Variants in LRRC3B observed in about 807,000 individuals in gnomAD.
LRRC3B encodes the protein leucine rich repeat containing 3B, also known as leucine-rich repeat-containing protein 3B.
Under a neutral mutation model 12.8 loss-of-function variants are expected in LRRC3B, and 2 were observed. The ratio of observed to expected loss-of-function variants is 0.16; its 90% CI spans 0.06 to 0.49. The LOEUF is 0.49. LRRC3B is among the 20% of genes least tolerant of loss of function. The pLI, the probability that LRRC3B is intolerant of heterozygous loss-of-function variation, is 0.96. For synonymous variants in LRRC3B, 132 were observed against 122.0 expected (o/e 1.08, Z -0.54); for missense variants, 189 against 319.4 (o/e 0.59, Z 3.11).
chr3:26,697,942 A>G (rs947147994), intron 1 of LRRC3B, among the ~76,000 whole-genome samples: 6 of 152,134 alleles, frequency 3.9e-5, no homozygotes, highest in African/African-American at 9.7e-5. Context: ...TTACCATTCT[A>G]TGATTCTGAT....
chr3:26,687,954 A>C (rs889769451), intron 1 of LRRC3B, among the ~76,000 whole-genome samples: 20 of 152,210 alleles, frequency 1.3e-4, no homozygotes, highest in African/African-American at 4.8e-4. Flanking sequence ...ATGCTTCACA[A>C]GTAGCCTCTG....
Position 26,709,919 on chromosome 3 carries a change from A to G in LRRC3B, c.247A>G (p.Ile83Val), listed in dbSNP as rs1463103085. The G allele has an allele frequency of 9.9e-6, 16 of 1,613,940 alleles. No homozygotes were observed. Among genetic ancestry groups the G allele is most frequent in the African/African-American group, 4.0e-5 (3 of 74,892 alleles). ...TCAGATCACATCTATTCCCAATGAA[A>G]TTTTTAAGGACCTCCATCAACTGAG... is the stretch of plus-strand genomic sequence containing the variant. The change falls in exon 2 of 2, where the codon ATT becomes GTT. Residue 83 changes from isoleucine to valine, a missense_variant. Coordinates refer to ENST00000396641, the Ensembl canonical transcript of LRRC3B.
At chr3:26,684,269 C>T (rs1410350285) in intron 1 of LRRC3B, among the ~76,000 whole-genome samples, 1 of 152,186 alleles carries the variant, frequency 6.6e-6, no homozygotes, top group African/African-American at 2.4e-5. Flanking sequence ...CACTGGTTCC[C>T]ACTGAAATTA....
At chr3:26,685,705 G>A (rs920598899) in intron 1 of LRRC3B, among the ~76,000 whole-genome samples, 3 of 150,262 alleles carry the variant, frequency 2.0e-5, no homozygotes, top group Non-Finnish European at 4.4e-5. Context: ...AGGCAGTGCA[G>A]TTGATGGAAA....
Position 26,647,855 on chromosome 3 carries a change from G to A in LRRC3B, c.-161+24618G>A, listed in dbSNP as rs1699185487. On this transcript the variant is annotated intron_variant, in intron 1 of 1. Coordinates refer to ENST00000396641, the Ensembl canonical transcript of LRRC3B. Reference sequence around the variant, plus strand: ...TAAACAATACCCAGCTTCAGAGGGAGACTGTTAAGAATTTAAGCTACATAT... The same window carrying A: ...TAAACAATACCCAGCTTCAGAGGGAAACTGTTAAGAATTTAAGCTACATAT... 2.0e-5 allele frequency among the ~76,000 whole-genome samples: 3 copies of A among 152,202 alleles called. No homozygotes were observed. In the South Asian group the frequency reaches 6.2e-4, roughly 31 times the overall value.
At chr3:26,647,104 C>T (rs756134234) in intron 1 of LRRC3B, among the ~76,000 whole-genome samples, 1 of 152,154 alleles carries the variant, frequency 6.6e-6, no homozygotes, top group Non-Finnish European at 1.5e-5. Context: ...AGCTGCTGAA[C>T]TTACACTTCC....
At chr3:26,643,319 CATAT>C (rs749680061) in intron 1 of LRRC3B, among the ~76,000 whole-genome samples, 2 of 151,732 alleles carry the variant, frequency 1.3e-5, no homozygotes, top group African/African-American at 4.8e-5. Flanking sequence ...TATGAAAACA[CATAT>C]ATAAAACCAT....
chr3:26,700,987 A>C (rs1700439068), intron 1 of LRRC3B, among the ~76,000 whole-genome samples: 1 of 152,088 alleles, frequency 6.6e-6, no homozygotes, highest in Non-Finnish European at 1.5e-5. Flanking sequence ...TGTTCCTTTA[A>C]TTTCTATCCT....
intron 1 of LRRC3B, among the ~76,000 whole-genome samples, chr3:26,707,257 C>A (rs527672239): frequency 6.6e-6 from 1 of 150,908 alleles, no homozygotes; most frequent in Non-Finnish European, 1.5e-5. Flanking sequence ...TCCAGATACT[C>A]GGGAGGCTGG....
exon 2 of LRRC3B, chr3:26,710,252 C>T: frequency 1.2e-6 from 2 of 1,613,806 alleles, no homozygotes; most frequent in Non-Finnish European, 1.7e-6. Context: ...CGACGCTGAC[C>T]TTTGTAACCT....
intron 1 of LRRC3B, among the ~76,000 whole-genome samples, chr3:26,632,977 C>A (rs1281995915): frequency 6.6e-6 from 1 of 152,142 alleles, no homozygotes; most frequent in Non-Finnish European, 1.5e-5. Context: ...ATTTACACCA[C>A]TATTTATACT....
At chr3:26,654,961 T>C (rs1171761482) in intron 1 of LRRC3B, among the ~76,000 whole-genome samples, 2 of 152,278 alleles carry the variant, frequency 1.3e-5, no homozygotes, top group African/African-American at 4.8e-5. Flanking sequence ...TTGAATATAA[T>C]TGTCTAATAT....
At chr3:26,636,655 G>A (rs1257456159) in intron 1 of LRRC3B, among the ~76,000 whole-genome samples, 1 of 152,024 alleles carries the variant, frequency 6.6e-6, no homozygotes, top group African/African-American at 2.4e-5. Flanking sequence ...CTACAGTGTT[G>A]TTTTTATGCC....
At chr3:26,689,759 A>T (rs1213345022) in intron 1 of LRRC3B, among the ~76,000 whole-genome samples, 1 of 152,210 alleles carries the variant, frequency 6.6e-6, no homozygotes, top group East Asian at 1.9e-4. Flanking sequence ...TTCATTGAGC[A>T]AACATATTCT....
At chr3:26,710,155 G>T in exon 2 of LRRC3B, 3 of 1,613,914 alleles carry the variant, frequency 1.9e-6, no homozygotes, top group East Asian at 2.2e-5. Context: ...GGAGCATGGC[G>T]TCCAATCATG....
At chr3:26,627,269 C>A (rs917423479) in intron 1 of LRRC3B, among the ~76,000 whole-genome samples, 4 of 152,054 alleles carry the variant, frequency 2.6e-5, no homozygotes, top group African/African-American at 7.2e-5. Context: ...CCCTTGGAGA[C>A]AAACCAACAA....
chr3:26,627,772 A>C (rs1698661562), intron 1 of LRRC3B, among the ~76,000 whole-genome samples: 1 of 152,212 alleles, frequency 6.6e-6, no homozygotes, highest in Admixed American at 6.5e-5. Context: ...GCAAGTAGGA[A>C]AAACTTGCAC....
intron 1 of LRRC3B, among the ~76,000 whole-genome samples, chr3:26,629,327 A>G (rs1422926019): frequency 6.6e-6 from 1 of 151,860 alleles, no homozygotes; most frequent in Non-Finnish European, 1.5e-5. Flanking sequence ...TTACTGGGAG[A>G]GACTGCTATA....
intron 1 of LRRC3B, among the ~76,000 whole-genome samples, chr3:26,686,238 C>A (rs971675928): frequency 6.6e-6 from 1 of 152,088 alleles, no homozygotes; most frequent in Admixed American, 6.5e-5. Flanking sequence ...CGCCACCACG[C>A]CCGGCTAATT....
Sources: allele counts gnomAD v4.1 joint callset (sites outside exome capture counted in the v4.1 genomes callset), GRCh38; gene constraint gnomAD v4.1.1; transcripts MANE v1.5; gene names NCBI Gene and HGNC (gene_info 2026-07-23, HGNC 2026-07-21).